The following FAM217B variants were observed in gnomAD, a reference collection of about 807,000 sequenced individuals.
FAM217B encodes the protein protein FAM217B.
For synonymous variants in FAM217B, 163 were observed against 173.0 expected, an observed-to-expected ratio of 0.94 and a Z score of 0.45; for missense variants, 463 against 456.9, an observed-to-expected ratio of 1.01 and a Z score of -0.12.
upstream of FAM217B, chr20:59,939,727 G>A (rs2060887612): frequency 3.9e-6 from 5 of 1,280,074 alleles, no homozygotes; most frequent in Admixed American, 4.3e-5. Flanking sequence ...GCCCGCCGCA[G>A]GATGATGGGC....
Position 59,944,958 on chromosome 20 carries a change from T to C in FAM217B, c.1015T>C (p.Cys339Arg), listed in dbSNP as rs755833399. The C allele has an allele frequency of 8.1e-6, 13 of 1,614,050 alleles. No individual in the cohort carries two copies. The Admixed American group carries it at 1.3e-4, about 17-fold the overall frequency. Reference protein sequence around the residue: ...AAVILDSADSCKASKTQAHAH... With the variant: ...AAVILDSADSRKASKTQAHAH... Reference sequence around the variant, plus strand: ...TGTGATTCTGGACTCAGCAGATTCCTGTAAGGCCTCCAAAACACAAGCACA... The same window carrying C: ...TGTGATTCTGGACTCAGCAGATTCCCGTAAGGCCTCCAAAACACAAGCACA... The change falls in exon 4 of 4, where the codon TGT becomes CGT. Residue 339 changes from cysteine (C) to arginine (R), a missense_variant. Coordinates refer to ENST00000360816, the MANE Select transcript of FAM217B (RefSeq NM_022106.3).
upstream of FAM217B, chr20:59,940,240 C>A (rs939376188): frequency 8.4e-5 from 21 of 250,708 alleles, no homozygotes; most frequent in East Asian, 1.5e-3. Context: ...GAGGTTCTTA[C>A]AAGAAGGCTG....
upstream of FAM217B, chr20:59,938,464 C>CA (rs1156557855): frequency 6.6e-6 from 1 of 152,392 alleles, no homozygotes; most frequent in African/African-American, 2.4e-5. Flanking sequence ...CGTTGGCAAT[C>CA]AGATGTGGGC....
upstream of FAM217B, chr20:59,939,059 G>A (rs780157665): frequency 3.2e-6 from 5 of 1,552,480 alleles, no homozygotes; most frequent in East Asian, 2.3e-5. Flanking sequence ...AGCTCTCTTC[G>A]CACTCCCCGC....
In FAM217B at chr20:59,944,841, A is replaced by C. The variant is rs760951823; in HGVS notation, c.898A>C (p.Ser300Arg). The C allele has an allele frequency of 1.9e-6, 3 of 1,614,076 alleles. No individual in the cohort carries two copies. Among genetic ancestry groups the C allele is most frequent in the East Asian group, 2.2e-5 (1 of 44,890 alleles). Residue 300 changes from serine (S) to arginine (R), a missense_variant, in exon 4 of 4, where the codon AGT (serine) becomes CGT (arginine). Transcript: ENST00000360816. ...TEEKKKKSSKSTKLQRWDLSG... is the reference protein window; with the variant it reads ...TEEKKKKSSKRTKLQRWDLSG... ...AGAAAAGAAAAAGAAATCAAGTAAGAGTACGAAGCTGCAGCGCTGGGATCT... is the reference window on the plus strand; with the variant it reads ...AGAAAAGAAAAAGAAATCAAGTAAGCGTACGAAGCTGCAGCGCTGGGATCT...
upstream of FAM217B, among the ~76,000 whole-genome samples, chr20:59,935,566 G>A (rs1436212822): frequency 6.6e-6 from 1 of 152,162 alleles, no homozygotes; most frequent in African/African-American, 2.4e-5. Flanking sequence ...CCAGGAATTT[G>A]AAACTAGCCT....
At chr20:59,941,890 G>C (rs1484020913) in intron 1 of FAM217B, among the ~76,000 whole-genome samples, 1 of 152,012 alleles carries the variant, frequency 6.6e-6, no homozygotes, top group Non-Finnish European at 1.5e-5. Flanking sequence ...TTCCAAGGAA[G>C]ATTATACCTG....
chr20:59,939,625 C>T, upstream of FAM217B: 3 of 1,584,938 alleles, frequency 1.9e-6, no homozygotes, highest in East Asian at 2.3e-5. Context: ...GCGAAGCGCA[C>T]GCGGAGCTTC....
chr20:59,938,702 C>A (rs2060876666), upstream of FAM217B: 1 of 235,856 alleles, frequency 4.2e-6, no homozygotes. Flanking sequence ...AAAAGCTTTT[C>A]CTAGCAGGAG....
upstream of FAM217B, chr20:59,938,783 C>G (rs952637225): frequency 2.8e-6 from 1 of 354,782 alleles, no homozygotes; most frequent in Non-Finnish European, 5.0e-6. Context: ...ACCTACCCCA[C>G]CACCCTGCCC....
intron 1 of FAM217B, among the ~76,000 whole-genome samples, chr20:59,934,089 C>T (rs1273266382): frequency 2.0e-5 from 3 of 152,248 alleles, no homozygotes; most frequent in Admixed American, 6.5e-5. Context: ...CCCGCGGCTC[C>T]AGCCAGCCCT....
At chr20:59,939,954 T>C, upstream of FAM217B, 1 of 1,260,450 alleles carries the variant, frequency 7.9e-7, no homozygotes, top group Non-Finnish European at 1.0e-6. Flanking sequence ...CGTCGGAAGA[T>C]GAGGCAGGGA....
At chr20:59,939,112 C>A, upstream of FAM217B, 1 of 1,602,830 alleles carries the variant, frequency 6.2e-7, no homozygotes, top group South Asian at 1.1e-5. Flanking sequence ...AGGCTGTAGT[C>A]TCGGTGGTCG....
At position 59,944,094 on chromosome 20, in the gene FAM217B, A is replaced by G. The variant is rs1226483231; in HGVS notation, c.151A>G (p.Ser51Gly). The G allele has an allele frequency of 2.5e-6, 4 of 1,614,050 alleles. No homozygotes were observed. Among genetic ancestry groups the G allele is most frequent in the African/African-American group, 1.3e-5 (1 of 74,922 alleles). Residue 51 changes from serine to glycine, a missense_variant, in exon 4 of 4, where the codon AGC becomes GGC. By Grantham distance (56) the Ser-to-Gly change is moderately conservative (BLOSUM62 0). Transcript: ENST00000360816. ...GCCTACTGAAGAAAAACTTAAAGAA[A>G]GCATTTCCCCGGAAGCAAGACGCAA... ...TQPTEEKLKESISPEARRKRN... is the reference protein window; with the variant it reads ...TQPTEEKLKEGISPEARRKRN...
At position 59,944,874 on chromosome 20, in the gene FAM217B, A is replaced by G; in HGVS notation, c.931A>G (p.Ser311Gly). 1 of 1,614,210 alleles carries G rather than the reference A, an allele frequency of 6.2e-7. No individual in the cohort carries two copies. The highest frequency in any genetic ancestry group is 1.1e-5 in the South Asian group (1 of 91,084). ...GCTGCAGCGCTGGGATCTGTCCGGCAGTGGAAGCAGCTCTAAGGTGGAAAC... is the reference window on the plus strand; with the variant it reads ...GCTGCAGCGCTGGGATCTGTCCGGCGGTGGAAGCAGCTCTAAGGTGGAAAC... ...TKLQRWDLSGSGSSSKVETSG... is the reference protein window; with the variant it reads ...TKLQRWDLSGGGSSSKVETSG... The change falls in exon 4 of 4, where the codon AGT becomes GGT. Residue 311 changes from serine to glycine, a missense_variant. Coordinates refer to ENST00000360816, the MANE Select transcript of FAM217B (RefSeq NM_022106.3).
chr20:59,934,024 G>C (rs1331176896), intron 1 of FAM217B, among the ~76,000 whole-genome samples: 2 of 152,130 alleles, frequency 1.3e-5, no homozygotes, highest in Non-Finnish European at 2.9e-5. Flanking sequence ...ACGGAAGCGC[G>C]GGCGGGACCA....
chr20:59,947,960 G>A lies in FAM217B; in HGVS notation c.*2865G>A, dbSNP rs1307520889. 3 of 164,950 alleles carry A rather than the reference G, an allele frequency of 1.8e-5. No homozygotes were observed. Among genetic ancestry groups the A allele is most frequent in the Non-Finnish European group, 4.4e-5 (3 of 67,844 alleles). The allele number at this position is 164,950 out of a possible 1,614,324, so 10.2% of individuals were successfully genotyped here. A position where few individuals can be genotyped will look rare whatever the true frequency, so the allele number is the denominator to read the frequency against. On this transcript the variant is annotated 3_prime_UTR_variant, in exon 4 of 4. Transcript: ENST00000360816. ...TAGTGACATGGGTTATTGTATTTCC[G>A]AGAAGTGCCTCTCATTTCTGGGGAG...
At chr20:59,942,700 T>A (rs2145950731) in intron 3 of FAM217B, among the ~76,000 whole-genome samples, 188 bp downstream of exon 3, 1 of 152,324 alleles carries the variant, frequency 6.6e-6, no homozygotes, top group Admixed American at 6.5e-5. Flanking sequence ...CCAACGGTCA[T>A]AATTCTGGCA....
upstream of FAM217B, chr20:59,939,144 C>G: frequency 6.2e-7 from 1 of 1,610,946 alleles, no homozygotes; most frequent in South Asian, 1.1e-5. Flanking sequence ...GTACTCGGCA[C>G]CCGCCACTTG....
Sources: allele counts gnomAD v4.1 joint callset (sites outside exome capture counted in the v4.1 genomes callset), GRCh38; gene constraint gnomAD v4.1.1; transcripts MANE v1.5; gene names NCBI Gene and HGNC (gene_info 2026-07-23, HGNC 2026-07-21).